PGM3: variants seen among roughly 807,000 people sequenced by gnomAD.
The protein encoded by PGM3 is phosphoglucomutase 3.
In PGM3, 40 loss-of-function variants were observed where a neutral mutation model predicts 66.2. The ratio of observed to expected loss-of-function variants is 0.60; its 90% CI spans 0.47 to 0.79. PGM3 has a LOEUF of 0.79. Ranked by LOEUF, PGM3 falls within the 30% of genes least tolerant of loss-of-function variation. The pLI is 0.00. For synonymous variants in PGM3, 191 were observed against 224.2 expected (o/e 0.85, Z 1.32); for missense variants, 537 against 643.4 (o/e 0.83, Z 1.79).
downstream of PGM3, chr6:83,162,688 T>A (rs1784507463): frequency 7.5e-7 from 1 of 1,327,204 alleles, no homozygotes; most frequent in Non-Finnish European, 1.0e-6. Context: ...TTTGAATTTT[T>A]ATAAGCAGTG....
In PGM3 at chr6:83,190,891, C is replaced by G. The variant is rs780464371; in HGVS notation, c.122G>C (p.Arg41Pro). The change falls in exon 2 of 13, where the codon CGC becomes CCC. Residue 41 changes from arginine (R) to proline (P), a missense_variant. By Grantham distance (103) the Arg-to-Pro change is moderately radical (BLOSUM62 -2). Transcript: ENST00000513973. ...KAEHLDHVMF[R>P]MGLLAVLRSK... The stretch of plus-strand genomic sequence containing the variant: ...CCTCAGGACAGCTAATAATCCCATG[C>G]GAAACATGACATGATCAAGATGTTC... 2.5e-6 allele frequency: 4 copies of G among 1,613,938 alleles called. No individual in the cohort carries two copies. Among genetic ancestry groups the G allele is most frequent in the Non-Finnish European group, 3.4e-6 (4 of 1,179,984 alleles).
chr6:83,149,647 A>G, the PGM3 span, among the ~76,000 whole-genome samples: 1 of 152,136 alleles, frequency 6.6e-6, no homozygotes, highest in South Asian at 2.1e-4. Context: ...GAGGAGAGAC[A>G]TGACTGGCAT....
intron 4 of PGM3, 105 bp downstream of exon 4, chr6:83,186,903 T>G: frequency 1.7e-6 from 1 of 596,940 alleles, no homozygotes. Context: ...TAAACATTTT[T>G]TGTTCATCTG....
At position 83,167,324 on chromosome 6, in the gene PGM3, CCCTT is replaced by C; in HGVS notation, c.*1906_*1909del. Reference sequence around the variant, plus strand: ...GAGACAGCAGTGTCTCCTGAGGGATCCCTTCCTTTCTCTGTGATGCAGTACTGAC... The same window carrying C: ...GAGACAGCAGTGTCTCCTGAGGGATCCCTTTCTCTGTGATGCAGTACTGAC... On this transcript the variant is annotated 3_prime_UTR_variant, in exon 13 of 13. Transcript: ENST00000513973. 1.0e-6 allele frequency: 1 copy of C among 985,466 alleles called. No homozygotes were observed. Among genetic ancestry groups the C allele is most frequent in the Non-Finnish European group, 1.2e-6 (1 of 830,006 alleles). 61.0% of individuals were successfully genotyped at this position (985,466 alleles called of 1,614,324 possible). A position where few individuals can be genotyped will look rare whatever the true frequency, so the allele number is the denominator to read the frequency against.
rs1785505971 is a variant in PGM3, at chr6:83,166,219, C to T, written c.*3015G>A. On this transcript the variant is annotated 3_prime_UTR_variant, in exon 13 of 13. Transcript: ENST00000513973. ...CACCTTTTCAATTTGCTTCAAATGC[C>T]GAACGACCATAAAATGGTCAACATT... 2.0e-6 allele frequency: 1 copy of T among 504,810 alleles called. No individual in the cohort carries two copies. Among genetic ancestry groups the T allele is most frequent in the Non-Finnish European group, 3.5e-6 (1 of 286,694 alleles). 31.3% of individuals were successfully genotyped at this position (504,810 alleles called of 1,614,324 possible). A position where few individuals can be genotyped will look rare whatever the true frequency, so the allele number is the denominator to read the frequency against.
Position 83,179,770 on chromosome 6 carries a change from T to G in PGM3, c.945+40A>C, listed in dbSNP as rs777126875. 5 of 1,497,998 alleles carry G rather than the reference T, an allele frequency of 3.3e-6. No homozygotes were observed. In the East Asian group the frequency reaches 9.2e-5, roughly 28 times the overall value. 92.8% of individuals were successfully genotyped at this position (1,497,998 alleles called of 1,614,324 possible). A position where few individuals can be genotyped will look rare whatever the true frequency, so the allele number is the denominator to read the frequency against. The stretch of plus-strand genomic sequence containing the variant: ...GTAAAATATGGAACTATTTCACTAC[T>G]AAGTCTTGTTTTAGAGGGTAGCCAA... On this transcript the variant is annotated intron_variant, in intron 7 of 12. Coordinates refer to ENST00000513973, the MANE Select transcript of PGM3 (RefSeq NM_015599.3).
At chr6:83,164,414 C>T (rs80051168), downstream of PGM3, among the ~76,000 whole-genome samples, 257 of 151,886 alleles carry the variant, frequency 1.7e-3, 2 homozygotes, top group African/African-American at 5.9e-3. Flanking sequence ...GCAAATATGA[C>T]CCCAGGCACA....
upstream of PGM3, chr6:83,193,422 TA>T (rs1263672033): frequency 6.6e-6 from 1 of 152,180 alleles, no homozygotes; most frequent in African/African-American, 2.4e-5. Flanking sequence ...CTGGGGCTGT[TA>T]CCATTGAGTG....
chr6:83,169,036 A>C lies in PGM3; in HGVS notation c.*198T>G, dbSNP rs775228907. ...ATTAGTGAGACTGAAATTAGAGGTA[A>C]ATTTCTTTAACAAGTGTAAGGCTTA... On this transcript the variant is annotated 3_prime_UTR_variant, in exon 13 of 13. Transcript: ENST00000513973. 4 of 1,369,780 alleles carry C rather than the reference A, an allele frequency of 2.9e-6. No homozygotes were observed. The highest frequency in any genetic ancestry group is 3.8e-6 in the Non-Finnish European group (4 of 1,062,296). The allele number at this position is 1,369,780 out of a possible 1,614,324, so 84.9% of individuals were successfully genotyped here. A position where few individuals can be genotyped will look rare whatever the true frequency, so the allele number is the denominator to read the frequency against.
chr6:83,178,007 C>T (rs1321319615), intron 8 of PGM3, among the ~76,000 whole-genome samples: 1 of 152,190 alleles, frequency 6.6e-6, no homozygotes, highest in African/African-American at 2.4e-5. Context: ...TCTCCTACCA[C>T]TGCAAAACTC....
At chr6:83,150,307 G>C in the PGM3 span, among the ~76,000 whole-genome samples, 1 of 152,276 alleles carries the variant, frequency 6.6e-6, no homozygotes, top group South Asian at 2.1e-4. Flanking sequence ...GTATGTACAG[G>C]TGTTGGAATC....
the PGM3 span, chr6:83,152,469 T>A: frequency 2.1e-6 from 1 of 478,174 alleles, no homozygotes; most frequent in Non-Finnish European, 3.5e-6. Flanking sequence ...GAGAAACTAT[T>A]TTGTGCTTCT....
intron 4 of PGM3, among the ~76,000 whole-genome samples, chr6:83,186,417 T>C (rs1383257143): frequency 6.6e-6 from 1 of 152,146 alleles, no homozygotes; most frequent in African/African-American, 2.4e-5. Context: ...AGAGGAGGTT[T>C]CAAAGGTCAA....
chr6:83,148,821 T>C, the PGM3 span: 1 of 1,553,824 alleles, frequency 6.4e-7, no homozygotes, highest in African/African-American at 1.4e-5. Flanking sequence ...AAAGACTCTA[T>C]ACAACTGAGT....
chr6:83,162,436 A>G (rs1784451379), downstream of PGM3, among the ~76,000 whole-genome samples: 2 of 152,200 alleles, frequency 1.3e-5, no homozygotes, highest in Non-Finnish European at 2.9e-5. Flanking sequence ...ACAAAGAGAT[A>G]AGCTAAATGA....
the PGM3 span, chr6:83,156,114 A>T: frequency 1.3e-6 from 2 of 1,598,686 alleles, no homozygotes; most frequent in Non-Finnish European, 1.7e-6. Context: ...GTAAAAAATG[A>T]AAAACCCTTT....
intron 2 of PGM3, among the ~76,000 whole-genome samples, chr6:83,190,072 T>C (rs1156250574): frequency 6.6e-6 from 1 of 151,946 alleles, no homozygotes. Context: ...GTGGTGACTA[T>C]AGTTCATAAT....
In PGM3 at chr6:83,167,205, G is replaced by T. The variant is rs1291109820; in HGVS notation, c.*2029C>A. On this transcript the variant is annotated 3_prime_UTR_variant, in exon 13 of 13. Transcript: ENST00000513973. Reference sequence around the variant, plus strand: ...GGAACCTTTGTATATCCTGCCCAAGGGTGCCGTAAGTATGGCAGAGCCAGC... The same window carrying T: ...GGAACCTTTGTATATCCTGCCCAAGTGTGCCGTAAGTATGGCAGAGCCAGC... The T allele has an allele frequency of 1.1e-6, 1 of 901,662 alleles. No homozygotes were observed. Among genetic ancestry groups the T allele is most frequent in the African/African-American group, 1.8e-5 (1 of 55,478 alleles). 55.9% of individuals were successfully genotyped at this position (901,662 alleles called of 1,614,324 possible). A position where few individuals can be genotyped will look rare whatever the true frequency, so the allele number is the denominator to read the frequency against.
chr6:83,149,520 G>T, the PGM3 span, among the ~76,000 whole-genome samples: 1 of 152,134 alleles, frequency 6.6e-6, no homozygotes, highest in Non-Finnish European at 1.5e-5. Flanking sequence ...ACAGGCAGTG[G>T]TATAGTGGAA....
Sources: allele counts gnomAD v4.1 joint callset (sites outside exome capture counted in the v4.1 genomes callset), GRCh38; gene constraint gnomAD v4.1.1; transcripts MANE v1.5; gene names NCBI Gene and HGNC (gene_info 2026-07-23, HGNC 2026-07-21).